The following DLGAP2 variants were observed in gnomAD, a reference collection of about 807,000 sequenced individuals.
The protein encoded by DLGAP2 is DLG associated protein 2, also known as disks large-associated protein 2.
Under a neutral mutation model 100.3 loss-of-function variants are expected in DLGAP2, and 26 were observed. The observed-to-expected ratio is 0.26, with a 90% CI of 0.19 to 0.36. The LOEUF is 0.36. DLGAP2 is among the 10% of genes least tolerant of loss of function. DLGAP2 has a pLI of 1.00. For synonymous variants in DLGAP2, 886 were observed against 630.1 expected (o/e 1.41, Z -6.08); for missense variants, 1,858 against 1,453.2 (o/e 1.28, Z -4.53).
At chr8:1,467,683 G>C (rs115435690) in intron 3 of DLGAP2, among the ~76,000 whole-genome samples, 7 of 152,074 alleles carry the variant, frequency 4.6e-5, no homozygotes, top group Non-Finnish European at 7.4e-5. Context: ...ACAGAACCAC[G>C]GCAACGTCCC....
intron 3 of DLGAP2, among the ~76,000 whole-genome samples, chr8:1,332,398 T>C (rs1801179096): frequency 6.6e-6 from 1 of 152,176 alleles, no homozygotes; most frequent in African/African-American, 2.4e-5. Flanking sequence ...AGTGTGTGTC[T>C]GCATGTGTGA....
chr8:1,223,370 T>G (rs1455949027), intron 2 of DLGAP2, among the ~76,000 whole-genome samples: 3 of 152,214 alleles, frequency 2.0e-5, no homozygotes, highest in African/African-American at 7.2e-5. Context: ...CCAGCCATCT[T>G]GGCTCTTCTC....
intron 1 of DLGAP2, among the ~76,000 whole-genome samples, chr8:800,664 A>G (rs1398643132): frequency 6.6e-6 from 1 of 151,912 alleles, no homozygotes; most frequent in Non-Finnish European, 1.5e-5. Context: ...ATGCGTGTGC[A>G]TGTGTGTACA....
chr8:1,700,883 G>A (rs892899381), intron 14 of DLGAP2, among the ~76,000 whole-genome samples: 33 of 152,236 alleles, frequency 2.2e-4, no homozygotes, highest in Non-Finnish European at 3.1e-4. Context: ...TCAGACTAGC[G>A]CAGTGACTGC....
chr8:802,623 C>A (rs1304848537), intron 1 of DLGAP2, among the ~76,000 whole-genome samples: 1 of 152,156 alleles, frequency 6.6e-6, no homozygotes, highest in African/African-American at 2.4e-5. Context: ...CCCACAGCCC[C>A]CGAGAGGCTG....
intron 3 of DLGAP2, among the ~76,000 whole-genome samples, chr8:1,317,611 C>T (rs1453396752): frequency 2.1e-5 from 3 of 142,892 alleles, no homozygotes; most frequent in Non-Finnish European, 3.0e-5. Context: ...GCGAGTGCAG[C>T]GTCTCTCCAA....
At chr8:980,316 T>C (rs1282588771) in intron 2 of DLGAP2, among the ~76,000 whole-genome samples, 1 of 152,188 alleles carries the variant, frequency 6.6e-6, no homozygotes, top group Non-Finnish European at 1.5e-5. Context: ...GTTAATGACC[T>C]GGGAAAGACA....
At chr8:1,163,921 C>T (rs775889423) in intron 2 of DLGAP2, among the ~76,000 whole-genome samples, 1 of 152,208 alleles carries the variant, frequency 6.6e-6, no homozygotes, top group Non-Finnish European at 1.5e-5. Flanking sequence ...CGTCCGCGGG[C>T]CCTGGCTTCC....
chr8:947,683 TC>T (rs1195424790), intron 2 of DLGAP2, among the ~76,000 whole-genome samples: 1 of 152,090 alleles, frequency 6.6e-6, no homozygotes, highest in Non-Finnish European at 1.5e-5. Flanking sequence ...GTCCTGGCCC[TC>T]CCTGCCCACG....
intron 1 of DLGAP2, among the ~76,000 whole-genome samples, chr8:804,651 C>G (rs1259434045): frequency 1.3e-5 from 2 of 152,232 alleles, no homozygotes; most frequent in Non-Finnish European, 2.9e-5. Context: ...TCATTATGTT[C>G]TCTCTTTTCC....
chr8:1,343,977 C>T (rs146464574), intron 3 of DLGAP2, among the ~76,000 whole-genome samples: 18 of 152,328 alleles, frequency 1.2e-4, no homozygotes, highest in African/African-American at 4.1e-4. Flanking sequence ...ACATGGCGGA[C>T]AGAGGAGACC....
At chr8:1,480,500 C>T (rs949791439) in intron 3 of DLGAP2, among the ~76,000 whole-genome samples, 1 of 152,164 alleles carries the variant, frequency 6.6e-6, no homozygotes, top group African/African-American at 2.4e-5. Flanking sequence ...TGAGCCCTGA[C>T]CTGGCCTAGT....
intron 1 of DLGAP2, among the ~76,000 whole-genome samples, chr8:866,122 C>T (rs1302126496): frequency 6.6e-6 from 1 of 152,022 alleles, no homozygotes; most frequent in East Asian, 1.9e-4. Context: ...CGGGCAGAGT[C>T]CTCTGCTCTG....
In DLGAP2 at chr8:1,704,805, A is replaced by C. The variant is rs1021425075; in HGVS notation, c.*3399A>C. The C allele has an allele frequency of 6.6e-6, 1 of 151,916 alleles. No individual in the cohort carries two copies. The highest frequency in any genetic ancestry group is 1.5e-5 in the Non-Finnish European group (1 of 67,980). The allele number at this position is 151,916 out of a possible 1,614,324, so 9.4% of individuals were successfully genotyped here. ...AAAAAGCCTACAAACTCAGTGACCT[A>C]CTACGCAGAGGGAATTTTTCCCTGC... On this transcript the variant is annotated 3_prime_UTR_variant, in exon 15 of 15. Transcript: ENST00000637795.
intron 1 of DLGAP2, among the ~76,000 whole-genome samples, chr8:779,036 C>A (rs1380003715): frequency 6.6e-6 from 1 of 152,058 alleles, no homozygotes; most frequent in African/African-American, 2.4e-5. Flanking sequence ...AGGATATAAT[C>A]TTGTGGTGTG....
At chr8:1,154,790 G>A (rs893211298) in intron 2 of DLGAP2, among the ~76,000 whole-genome samples, 1 of 152,024 alleles carries the variant, frequency 6.6e-6, no homozygotes, top group African/African-American at 2.4e-5. Context: ...CGTCCATCCC[G>A]CCCTAAAATA....
intron 2 of DLGAP2, among the ~76,000 whole-genome samples, chr8:1,163,656 G>A (rs1796935481): frequency 6.6e-6 from 1 of 152,238 alleles, no homozygotes; most frequent in South Asian, 2.1e-4. Flanking sequence ...GCCGCCTGGG[G>A]AGGGCCGGGG....
chr8:1,654,175 G>A (rs140471762), intron 8 of DLGAP2, among the ~76,000 whole-genome samples: 9 of 152,118 alleles, frequency 5.9e-5, no homozygotes, highest in Non-Finnish European at 4.4e-5. Flanking sequence ...TAGGTGTCCC[G>A]TGTACGCACA....
chr8:1,142,221 A>G (rs1796533475), intron 2 of DLGAP2, among the ~76,000 whole-genome samples: 3 of 152,160 alleles, frequency 2.0e-5, no homozygotes, highest in South Asian at 4.1e-4. Flanking sequence ...TATTAATTGT[A>G]TAATAAAATT....
Sources: allele counts gnomAD v4.1 joint callset (sites outside exome capture counted in the v4.1 genomes callset), GRCh38; gene constraint gnomAD v4.1.1; transcripts MANE v1.5; gene names NCBI Gene and HGNC (gene_info 2026-07-23, HGNC 2026-07-21).